Variants in TCF7L1 observed in about 807,000 individuals in gnomAD.
TCF7L1 encodes the protein transcription factor 7 like 1, also known as transcription factor 7-like 1.
Under a neutral mutation model 63.7 loss-of-function variants are expected in TCF7L1, and 18 were observed. The ratio of observed to expected loss-of-function variants is 0.28; its 90% CI spans 0.20 to 0.42. TCF7L1 has a LOEUF of 0.42. Among genes scored for constraint, TCF7L1 ranks in the 10% least tolerant of loss-of-function variants. TCF7L1 has a pLI of 1.00. For synonymous variants in TCF7L1, 355 were observed against 340.9 expected, an observed-to-expected ratio of 1.04 and a Z score of -0.46; for missense variants, 654 against 779.3, an observed-to-expected ratio of 0.84 and a Z score of 1.91.
At chr2:85,180,636 G>C (rs1051205835) in intron 3 of TCF7L1, among the ~76,000 whole-genome samples, 4 of 152,114 alleles carry the variant, frequency 2.6e-5, no homozygotes, top group Non-Finnish European at 5.9e-5. Context: ...GTTCTTCAGA[G>C]GCTAGTGACT....
At chr2:85,223,711 G>A (rs1377423918) in intron 3 of TCF7L1, among the ~76,000 whole-genome samples, 1 of 152,188 alleles carries the variant, frequency 6.6e-6, no homozygotes, top group Non-Finnish European at 1.5e-5. Context: ...CACTTTCTAG[G>A]ACTTTACAAA....
At chr2:85,187,112 C>T (rs1257006156) in intron 3 of TCF7L1, 3 of 152,204 alleles carry the variant, frequency 2.0e-5, no homozygotes, top group East Asian at 1.9e-4. Flanking sequence ...CTTGTCAGAA[C>T]GTCATCTTTT....
At position 85,134,394 on chromosome 2, in the gene TCF7L1, G is replaced by T; in HGVS notation, c.385G>T (p.Asp129Tyr). 6.4e-7 allele frequency: 1 copy of T among 1,571,232 alleles called. No individual in the cohort carries two copies. The highest frequency in any genetic ancestry group is 8.6e-7 in the Non-Finnish European group (1 of 1,157,482). ...TGGGTACCCCTTCCTGATGATCCCG[G>T]ACCTGAGCAGCCCGTACCTCTCCAA... ...YPGYPFLMIP[D>Y]LSSPYLSNGP... Residue 129 changes from aspartate (D) to tyrosine (Y), a missense_variant, in exon 3 of 12, where the codon GAC (aspartate) becomes TAC (tyrosine). Asp to Tyr is a radical substitution (Grantham distance 160). Transcript: ENST00000282111. This position sits in a 1 kb window ranked among gnomAD's most constrained non-coding sequence, Gnocchi z 5.0.
At chr2:85,222,359 AC>A (rs1558638304) in intron 3 of TCF7L1, among the ~76,000 whole-genome samples, 8 of 140,172 alleles carry the variant, frequency 5.7e-5, no homozygotes, top group Non-Finnish European at 4.8e-5. Context: ...AAACAAACAA[AC>A]AAACAAAAAA....
intron 4 of TCF7L1, among the ~76,000 whole-genome samples, chr2:85,284,213 T>G (rs1681488323): frequency 6.6e-6 from 1 of 152,208 alleles, no homozygotes; most frequent in Non-Finnish European, 1.5e-5. Flanking sequence ...TGTTTCACTG[T>G]GTTAGCCAGG....
chr2:85,274,444 G>C (rs1261969476), intron 3 of TCF7L1, among the ~76,000 whole-genome samples: 4 of 152,158 alleles, frequency 2.6e-5, no homozygotes, highest in Admixed American at 6.5e-5. Flanking sequence ...GACATACCTA[G>C]CCAAGTGTCC....
At chr2:85,294,179 G>T (rs1335378944) in intron 4 of TCF7L1, among the ~76,000 whole-genome samples, 1 of 151,856 alleles carries the variant, frequency 6.6e-6, no homozygotes, top group African/African-American at 2.4e-5. Flanking sequence ...TGGGACTACA[G>T]GCACCCGCCA....
intron 3 of TCF7L1, among the ~76,000 whole-genome samples, chr2:85,239,073 A>G: frequency 6.6e-6 from 1 of 152,046 alleles, no homozygotes; most frequent in Non-Finnish European, 1.5e-5. Flanking sequence ...CAGGGGTATG[A>G]CTAAATCTGA....
chr2:85,183,219 G>A (rs1678845074), intron 3 of TCF7L1, among the ~76,000 whole-genome samples: 1 of 152,036 alleles, frequency 6.6e-6, no homozygotes, highest in African/African-American at 2.4e-5. Context: ...CAAATGGATG[G>A]GCAAGTCAGC....
chr2:85,194,250 A>G (rs990717499), intron 3 of TCF7L1, among the ~76,000 whole-genome samples: 1 of 152,190 alleles, frequency 6.6e-6, no homozygotes, highest in African/African-American at 2.4e-5. Context: ...TACAGAATTC[A>G]GGAGTGGTGG....
chr2:85,266,057 G>C (rs1461397826), intron 3 of TCF7L1, among the ~76,000 whole-genome samples: 1 of 152,018 alleles, frequency 6.6e-6, no homozygotes, highest in Non-Finnish European at 1.5e-5. Context: ...TTACACAGGT[G>C]GAAATACATG....
Position 85,306,700 on chromosome 2 carries a change from AC to A in TCF7L1, c.1257+144del. 1.4e-6 allele frequency: 1 copy of A among 726,754 alleles called. No homozygotes were observed. Among genetic ancestry groups the A allele is most frequent in the Non-Finnish European group, 2.2e-6 (1 of 459,452 alleles). 45.0% of individuals were successfully genotyped at this position (726,754 alleles called of 1,614,324 possible). A position where few individuals can be genotyped will look rare whatever the true frequency, so the allele number is the denominator to read the frequency against. On this transcript the variant is annotated intron_variant, in intron 10 of 11. Transcript: ENST00000282111. The surrounding 1 kb of genome is among the most constrained non-coding windows in gnomAD (Gnocchi z 4.3). ...TTTTGAGACAGAGGCTCACCCTGTC[AC>A]CCAGGCTGGAGTGCATGCAGTGGCG...
At chr2:85,277,432 G>A (rs1259617326) in intron 3 of TCF7L1, among the ~76,000 whole-genome samples, 1 of 152,122 alleles carries the variant, frequency 6.6e-6, no homozygotes, top group Non-Finnish European at 1.5e-5. Context: ...TGTAGCCTTG[G>A]GTTCTGGGTG....
rs1682126648 is a variant in TCF7L1, at chr2:85,306,913, C to A, written c.1257+354C>A. Among the ~76,000 whole-genome samples, 1 of 152,192 alleles carries A rather than the reference C, an allele frequency of 6.6e-6. No homozygotes were observed. Among genetic ancestry groups the A allele is most frequent in the East Asian group, 1.9e-4 (1 of 5,186 alleles). On this transcript the variant is annotated intron_variant, in intron 10 of 11. Coordinates refer to ENST00000282111, the MANE Select transcript of TCF7L1 (RefSeq NM_031283.3). This position sits in a 1 kb window ranked among gnomAD's most constrained non-coding sequence, Gnocchi z 4.3. ...GCTCCTGACCTCGTGATCCGCCCAC[C>A]TCGGCCTCCCAAAGCGCTGGGATTA... is the stretch of plus-strand genomic sequence containing the variant.
At chr2:85,173,008 G>A (rs946269110) in intron 3 of TCF7L1, among the ~76,000 whole-genome samples, 4 of 152,202 alleles carry the variant, frequency 2.6e-5, no homozygotes, top group Non-Finnish European at 4.4e-5. Context: ...TCAGCACACC[G>A]GAGGTGCCCA....
At chr2:85,248,838 C>T (rs1573009287) in intron 3 of TCF7L1, among the ~76,000 whole-genome samples, 1 of 152,266 alleles carries the variant, frequency 6.6e-6, no homozygotes, top group East Asian at 1.9e-4. Flanking sequence ...TTCTTCACTG[C>T]CCTGTTTAGA....
At chr2:85,251,919 C>CA (rs1413409924) in intron 3 of TCF7L1, among the ~76,000 whole-genome samples, 10 of 152,102 alleles carry the variant, frequency 6.6e-5, no homozygotes, top group African/African-American at 2.4e-4. Context: ...ACAAACGATA[C>CA]AAAAAATTAG....
chr2:85,141,625 A>T (rs57097797), intron 3 of TCF7L1, among the ~76,000 whole-genome samples: 11,998 of 152,236 alleles, frequency 0.079, 537 homozygotes, highest in Middle Eastern at 0.12. Context: ...TGTATTTGGG[A>T]TGCTGGAGTG....
At chr2:85,141,857 G>T (rs1314909451) in intron 3 of TCF7L1, among the ~76,000 whole-genome samples, 1 of 152,206 alleles carries the variant, frequency 6.6e-6, no homozygotes, top group Admixed American at 6.5e-5. Flanking sequence ...AATGGATAGT[G>T]TGCATTGGAG....
Sources: gnomAD v4.1 joint callset for allele counts (sites outside exome capture counted in the v4.1 genomes callset) on GRCh38, gnomAD v4.1.1 for gene constraint, Gnocchi (gnomAD v3.1) non-coding constraint, MANE v1.5 for transcripts, NCBI Gene and HGNC (gene_info 2026-07-23, HGNC 2026-07-21) for gene names.